The following USP45 variants were observed in gnomAD, a reference collection of about 807,000 sequenced individuals.
USP45 encodes the protein ubiquitin specific peptidase 45.
In USP45, 89 loss-of-function variants were observed where a neutral mutation model predicts 95.8. The observed-to-expected ratio is 0.93, with a 90% CI of 0.78 to 1.11. USP45 has a LOEUF of 1.11. Ranked by LOEUF, USP45 falls within the 50% of genes least tolerant of loss-of-function variation. The probability of loss-of-function intolerance (pLI) is 0.00; values close to 1 mark genes in which losing one functional copy is unlikely to be tolerated. For synonymous variants in USP45, 281 were observed against 316.2 expected (o/e 0.89, Z 1.18); for missense variants, 898 against 942.5 (o/e 0.95, Z 0.62).
chr6:99,449,666 C>G (rs1372891340), intron 13 of USP45, among the ~76,000 whole-genome samples: 1 of 152,188 alleles, frequency 6.6e-6, no homozygotes, highest in East Asian at 1.9e-4. Context: ...TTGAACTCAG[C>G]TCTGCATCAA....
chr6:99,481,639 T>C (rs769050138), intron 8 of USP45, among the ~76,000 whole-genome samples: 14 of 152,248 alleles, frequency 9.2e-5, no homozygotes, highest in Non-Finnish European at 1.9e-4. Context: ...TAGTACCGAA[T>C]AGTTAGTTTT....
chr6:99,445,897 G>A lies in USP45; in HGVS notation c.1875C>T (p.Tyr625=). Residue 625 remains tyrosine, a synonymous_variant, in exon 14 of 18, where the codon TAC becomes TAT. Transcript: ENST00000500704. ...TTAGTAATTCCATAGATGTAAACTG[G>A]TAGAGACAGGACTGAATTGAACATT... is the stretch of plus-strand genomic sequence containing the variant. The part of the protein sequence containing the change: ...SKECSIQSCL[Y]QFTSMELLMG... 2 of 1,613,848 alleles carry A rather than the reference G, an allele frequency of 1.2e-6. No homozygotes were observed. The highest frequency in any genetic ancestry group is 1.7e-5 in the Admixed American group (1 of 59,998).
At chr6:99,466,632 G>C (rs746547274) in intron 11 of USP45, 40 bp downstream of exon 11, 8 of 1,464,470 alleles carry the variant, frequency 5.5e-6, no homozygotes, top group Non-Finnish European at 7.6e-6. Flanking sequence ...TGATGTGATT[G>C]TAATCCATTC....
intron 9 of USP45, among the ~76,000 whole-genome samples, chr6:99,473,212 G>A (rs906300411): frequency 6.6e-6 from 1 of 151,950 alleles, no homozygotes; most frequent in South Asian, 2.1e-4. Flanking sequence ...AAAAAGTTGC[G>A]TTTAAGGTTA....
intron 13 of USP45, among the ~76,000 whole-genome samples, chr6:99,452,684 C>T (rs748753332): frequency 6.6e-5 from 10 of 152,142 alleles, no homozygotes; most frequent in Non-Finnish European, 1.2e-4. Context: ...TGGGTATATA[C>T]CCAAAAGATT....
At position 99,476,200 on chromosome 6, in the gene USP45, C is replaced by A; in HGVS notation, c.876G>T (p.Gln292His). Reference protein sequence around the residue: ...KAPRFKDFQQQDSQELLHYLL... With the variant: ...KAPRFKDFQQHDSQELLHYLL... The stretch of plus-strand genomic sequence containing the variant: ...GATAATGAAGAAGCTCCTGACTGTC[C>A]TGTTGCTGGAAATCTTTAAATCGAG... The change falls in exon 9 of 18, where the codon CAG becomes CAT. Residue 292 changes from glutamine to histidine, a missense_variant. Coordinates refer to ENST00000500704, the MANE Select transcript of USP45 (RefSeq NM_001346022.3). 1.2e-6 allele frequency: 2 copies of A among 1,614,068 alleles called. No homozygotes were observed. The highest frequency in any genetic ancestry group is 1.7e-6 in the Non-Finnish European group (2 of 1,179,974).
chr6:99,436,992 T>G (rs1289555285), intron 17 of USP45, among the ~76,000 whole-genome samples: 1 of 152,132 alleles, frequency 6.6e-6, no homozygotes, highest in African/African-American at 2.4e-5. Context: ...TCTCAGCTAT[T>G]CAGGAGGCTG....
intron 8 of USP45, among the ~76,000 whole-genome samples, chr6:99,479,088 A>C (rs1478347365): frequency 6.6e-6 from 1 of 151,906 alleles, no homozygotes; most frequent in Non-Finnish European, 1.5e-5. Context: ...AGGGATTATA[A>C]AGGGGCCCAA....
rs374564680 is a variant in USP45, at chr6:99,437,800, G to C, written c.2161-401C>G. On this transcript the variant is annotated intron_variant, in intron 16 of 17. Transcript: ENST00000500704. The stretch of plus-strand genomic sequence containing the variant: ...ACGTTCCCAAGTAGCTGGGATTACA[G>C]GGGTCTGTCACCACGCCCAGCTAAT... 2.0e-5 allele frequency among the ~76,000 whole-genome samples: 3 copies of C among 152,292 alleles called. No homozygotes were observed. In the East Asian group the frequency reaches 5.8e-4, roughly 29 times the overall value.
chr6:99,468,328 A>G (rs911704345), intron 10 of USP45, among the ~76,000 whole-genome samples: 1 of 152,122 alleles, frequency 6.6e-6, no homozygotes, highest in Admixed American at 6.6e-5. Flanking sequence ...TATACTTGGT[A>G]TAGCTTTATT....
At chr6:99,515,015 G>A (rs1800849359) in intron 1 of USP45, 1 of 152,330 alleles carries the variant, frequency 6.6e-6, no homozygotes, top group African/African-American at 2.4e-5. Flanking sequence ...TTCCAGAAAA[G>A]TCATTAGACA....
chr6:99,514,187 C>G (rs999066401), intron 1 of USP45, among the ~76,000 whole-genome samples: 1 of 152,140 alleles, frequency 6.6e-6, no homozygotes, highest in Non-Finnish European at 1.5e-5. Flanking sequence ...AAAGGCTCAT[C>G]ATAATAGAAA....
chr6:99,497,404 G>A (rs968090207), intron 5 of USP45, among the ~76,000 whole-genome samples: 1 of 152,092 alleles, frequency 6.6e-6, no homozygotes, highest in South Asian at 2.1e-4. Flanking sequence ...TAGTATTAAT[G>A]TAATCTGCCC....
intron 8 of USP45, among the ~76,000 whole-genome samples, chr6:99,480,169 C>T (rs1288271128): frequency 3.3e-5 from 5 of 152,104 alleles, no homozygotes; most frequent in Non-Finnish European, 5.9e-5. Flanking sequence ...AGCATAAAAA[C>T]ATGAAATTCT....
chr6:99,503,797 A>C lies in USP45; in HGVS notation c.446T>G (p.Phe149Cys), dbSNP rs888614931. ...NKKVLAQIVD[F>C]LQKHASKTQT... Reference sequence around the variant, plus strand: ...TGTTTTAGAAGCATGTTTCTGGAGAAAATCAACTATCTGAGCCAAAACCTT... The same window carrying C: ...TGTTTTAGAAGCATGTTTCTGGAGACAATCAACTATCTGAGCCAAAACCTT... Residue 149 changes from phenylalanine (F) to cysteine (C), a missense_variant, in exon 5 of 18, where the codon TTT becomes TGT. By Grantham distance (205) the Phe-to-Cys change is radical. Transcript: ENST00000500704. 6.2e-7 allele frequency: 1 copy of C among 1,602,362 alleles called. No homozygotes were observed. Among genetic ancestry groups the C allele is most frequent in the Non-Finnish European group, 8.5e-7 (1 of 1,174,580 alleles).
intron 4 of USP45, 49 bp downstream of exon 4, chr6:99,507,378 AT>A: frequency 8.6e-7 from 1 of 1,162,502 alleles, no homozygotes. Context: ...AAAAAAAAAA[AT>A]TGGGGGGCTG....
At chr6:99,485,090 G>A (rs963377610) in intron 7 of USP45, among the ~76,000 whole-genome samples, 2 of 151,260 alleles carry the variant, frequency 1.3e-5, no homozygotes, top group African/African-American at 2.4e-5. Context: ...AGCATTTTGG[G>A]AGGCCGAGGC....
At chr6:99,486,180 A>G (rs1340460459) in intron 7 of USP45, among the ~76,000 whole-genome samples, 1 of 152,218 alleles carries the variant, frequency 6.6e-6, no homozygotes, top group Non-Finnish European at 1.5e-5. Flanking sequence ...TATAGACAAA[A>G]GACAAAGATA....
chr6:99,498,417 G>A (rs934564898), intron 5 of USP45, among the ~76,000 whole-genome samples: 5 of 152,094 alleles, frequency 3.3e-5, no homozygotes, highest in Admixed American at 3.3e-4. Flanking sequence ...ACAGTCTTGA[G>A]AGAAAATAAG....
Sources: allele counts gnomAD v4.1 joint callset (sites outside exome capture counted in the v4.1 genomes callset), GRCh38; gene constraint gnomAD v4.1.1; transcripts MANE v1.5; gene names NCBI Gene and HGNC (gene_info 2026-07-23, HGNC 2026-07-21).